The following MARVELD3 variants were observed in gnomAD, a reference collection of about 807,000 sequenced individuals.
MARVELD3 encodes the protein MARVEL domain containing 3.
A neutral mutation model predicts 33.5 loss-of-function variants in MARVELD3; 28 were observed. That is an observed-to-expected ratio of 0.84 (90% confidence interval 0.62 to 1.15). The LOEUF (loss-of-function observed/expected upper bound fraction) is 1.15. MARVELD3 is among the 50% of genes most tolerant of loss of function. The pLI is 0.00. For missense variants in MARVELD3, 582 were observed against 547.6 expected, an observed-to-expected ratio of 1.06 and a Z score of -0.63; for synonymous variants, 241 against 230.4, an observed-to-expected ratio of 1.05 and a Z score of -0.42.
At chr16:71,631,002 G>A (rs1445391287) in intron 2 of MARVELD3, among the ~76,000 whole-genome samples, 3 of 152,158 alleles carry the variant, frequency 2.0e-5, no homozygotes, top group Non-Finnish European at 4.4e-5. Flanking sequence ...CACATGATTT[G>A]GTGAGAAATA....
Position 71,635,573 on chromosome 16 carries a change from C to A in MARVELD3, c.*770C>A. The A allele has an allele frequency of 1.0e-6, 1 of 982,386 alleles. No homozygotes were observed. Among genetic ancestry groups the A allele is most frequent in the Non-Finnish European group, 1.2e-6 (1 of 827,476 alleles). 60.9% of individuals were successfully genotyped at this position (982,386 alleles called of 1,614,324 possible). A position where few individuals can be genotyped will look rare whatever the true frequency, so the allele number is the denominator to read the frequency against. On this transcript the variant is annotated 3_prime_UTR_variant, in exon 3 of 3. Transcript: ENST00000268485. ...AGTGCGCTATGATTGTCCCACTACA[C>A]TCTAGCCTGAGCAACAGACCAAGAC... is the stretch of plus-strand genomic sequence containing the variant.
chr16:71,641,945 A>T (rs2044623012), exon 3 of MARVELD3: 1 of 152,182 alleles, frequency 6.6e-6, no homozygotes, highest in South Asian at 2.1e-4. Flanking sequence ...CTTAAAAATA[A>T]AGTTCTTTTA....
chr16:71,634,653 C>T lies in MARVELD3; in HGVS notation c.1056C>T (p.Phe352=), dbSNP rs746216347. Residue 352 remains phenylalanine, a synonymous_variant, in exon 3 of 3, where the codon TTC becomes TTT. Coordinates refer to ENST00000268485, the MANE Select transcript of MARVELD3 (RefSeq NM_052858.6). The stretch of plus-strand genomic sequence containing the variant: ...ACCAAAGCAAAGGCTACAGCGGTTT[C>T]GGCTGCAGTTTCCACGGAGCAGATA... The part of the protein sequence containing the change: ...ALYQSKGYSG[F]GCSFHGADIG... 3 of 1,614,168 alleles carry T rather than the reference C, an allele frequency of 1.9e-6. No homozygotes were observed. Among genetic ancestry groups the T allele is most frequent in the Non-Finnish European group, 2.5e-6 (3 of 1,180,042 alleles).
chr16:71,640,841 G>T, downstream of MARVELD3: 1 of 1,614,220 alleles, frequency 6.2e-7, no homozygotes. Flanking sequence ...TCACCTGGAT[G>T]GACTGCCAGC....
At chr16:71,640,704 G>C (rs768054161), downstream of MARVELD3, 1 of 1,614,238 alleles carries the variant, frequency 6.2e-7, no homozygotes, top group African/African-American at 1.3e-5. Context: ...CCTCACGGAG[G>C]CCGCCTTCAG....
At position 71,635,563 on chromosome 16, in the gene MARVELD3, T is replaced by C. The variant is rs2044575590; in HGVS notation, c.*760T>C. 4 of 980,192 alleles carry C rather than the reference T, an allele frequency of 4.1e-6. No homozygotes were observed. The South Asian group carries it at 1.9e-4, about 46-fold the overall frequency. The allele number at this position is 980,192 out of a possible 1,614,324, so 60.7% of individuals were successfully genotyped here. On this transcript the variant is annotated 3_prime_UTR_variant, in exon 3 of 3. Transcript: ENST00000268485. The stretch of plus-strand genomic sequence containing the variant: ...TCAAGTTTGCAGTGCGCTATGATTG[T>C]CCCACTACACTCTAGCCTGAGCAAC...
intron 2 of MARVELD3, among the ~76,000 whole-genome samples, chr16:71,630,587 G>T (rs539479033): frequency 3.2e-4 from 48 of 150,924 alleles, no homozygotes; most frequent in Non-Finnish European, 6.6e-4. Flanking sequence ...TTTCGCCATT[G>T]CACTCTAGCC....
downstream of MARVELD3, chr16:71,640,580 C>A: frequency 1.2e-6 from 2 of 1,614,200 alleles, no homozygotes; most frequent in Non-Finnish European, 1.7e-6. Context: ...ACACGATCCT[C>A]CGCTCGCCCC....
intron 1 of MARVELD3, among the ~76,000 whole-genome samples, chr16:71,628,579 G>A (rs574251277): frequency 6.6e-6 from 1 of 151,504 alleles, no homozygotes; most frequent in Non-Finnish European, 1.5e-5. Flanking sequence ...GAAGAGGAAA[G>A]GTGTCCCAAG....
intron 2 of MARVELD3, among the ~76,000 whole-genome samples, chr16:71,633,552 C>T (rs1055839373): frequency 6.6e-6 from 1 of 152,100 alleles, no homozygotes; most frequent in Non-Finnish European, 1.5e-5. Flanking sequence ...TACCACCATG[C>T]CTGGCTAATT....
At chr16:71,629,661 AAAG>A (rs1567604039) in intron 2 of MARVELD3, 167 bp downstream of exon 2, 2 of 668,078 alleles carry the variant, frequency 3.0e-6, no homozygotes, top group African/African-American at 3.8e-5. Flanking sequence ...AAAAAAAAAA[AAAG>A]GAGGAACGTC....
chr16:71,633,776 G>A (rs1297971370), intron 2 of MARVELD3, among the ~76,000 whole-genome samples: 1 of 148,954 alleles, frequency 6.7e-6, no homozygotes, highest in East Asian at 2.0e-4. Context: ...GGCTCAAGCA[G>A]CCCTCCCACC....
Position 71,635,881 on chromosome 16 carries a change from A to G in MARVELD3, c.*1078A>G. On this transcript the variant is annotated 3_prime_UTR_variant, in exon 3 of 3. Coordinates refer to ENST00000268485, the MANE Select transcript of MARVELD3 (RefSeq NM_052858.6). ...CTGGGTTGCAAAGAGGCTATTCTGCAAGCCCCTTACAGTGGCCCTGAAAGC... is the reference window on the plus strand; with the variant it reads ...CTGGGTTGCAAAGAGGCTATTCTGCGAGCCCCTTACAGTGGCCCTGAAAGC... 1.0e-6 allele frequency: 1 copy of G among 985,428 alleles called. No individual in the cohort carries two copies. The highest frequency in any genetic ancestry group is 1.7e-5 in the African/African-American group (1 of 57,346). 61.0% of individuals were successfully genotyped at this position (985,428 alleles called of 1,614,324 possible).
downstream of MARVELD3, among the ~76,000 whole-genome samples, chr16:71,636,877 C>T (rs1054110335): frequency 6.6e-6 from 1 of 152,232 alleles, no homozygotes; most frequent in Non-Finnish European, 1.5e-5. Context: ...AGGCGTGAGC[C>T]ACCACGCCAG....
Position 71,635,325 on chromosome 16 carries a change from T to C in MARVELD3, c.*522T>C. The C allele has an allele frequency of 1.1e-6, 1 of 943,450 alleles. No homozygotes were observed. The highest frequency in any genetic ancestry group is 1.2e-4 in the East Asian group (1 of 8,460). The allele number at this position is 943,450 out of a possible 1,614,324, so 58.4% of individuals were successfully genotyped here. On this transcript the variant is annotated 3_prime_UTR_variant, in exon 3 of 3. Coordinates refer to ENST00000268485, the MANE Select transcript of MARVELD3 (RefSeq NM_052858.6). Reference sequence around the variant, plus strand: ...GCCCAGGTGACAGAGCGAGACTCCATCTCAAAAAAAAAAAAAAGCAAAAAA... The same window carrying C: ...GCCCAGGTGACAGAGCGAGACTCCACCTCAAAAAAAAAAAAAAGCAAAAAA...
chr16:71,630,696 G>A (rs1209803057), intron 2 of MARVELD3, among the ~76,000 whole-genome samples: 1 of 151,264 alleles, frequency 6.6e-6, no homozygotes, highest in East Asian at 1.9e-4. Context: ...TCACAAGGTT[G>A]TTACGTATAT....
chr16:71,626,445 C>CGTT lies in MARVELD3; in HGVS notation c.216_217insGTT (p.Asn72_Arg73insVal), dbSNP rs1037537986. 2 of 1,548,990 alleles carry CGTT rather than the reference C, an allele frequency of 1.3e-6. No individual in the cohort carries two copies. Among genetic ancestry groups the CGTT allele is most frequent in the African/African-American group, 2.7e-5 (2 of 72,984 alleles). On this transcript the variant is annotated inframe_insertion, in exon 1 of 3. Transcript: ENST00000268485. This position sits in a 1 kb window ranked among gnomAD's most constrained non-coding sequence, Gnocchi z 5.3. ...AGAGGGACGGGAACCGCGACCGGAA[C>CGTT]CGGGACCGGGAGAGGGAGAGAGAGA...
At chr16:71,640,313 A>G, downstream of MARVELD3, 2 of 1,485,096 alleles carry the variant, frequency 1.3e-6, no homozygotes, top group Non-Finnish European at 1.8e-6. Flanking sequence ...CCTTAAAATC[A>G]GGTGGCCTGT....
chr16:71,629,248 G>C, intron 1 of MARVELD3, 119 bp from the exon 2 acceptor site: 1 of 1,190,528 alleles, frequency 8.4e-7, no homozygotes, highest in African/African-American at 1.6e-5. Context: ...AAAATACCGG[G>C]ACAAATTCTA....
Sources: allele counts gnomAD v4.1 joint callset (sites outside exome capture counted in the v4.1 genomes callset), GRCh38; gene constraint gnomAD v4.1.1; non-coding constraint Gnocchi (gnomAD v3.1); transcripts MANE v1.5; gene names NCBI Gene and HGNC (gene_info 2026-07-23, HGNC 2026-07-21).